GPHN: variants seen among roughly 807,000 people sequenced by gnomAD.
The protein encoded by GPHN is gephyrin.
In GPHN, 17 loss-of-function variants were observed where a neutral mutation model predicts 95.5. The ratio of observed to expected loss-of-function variants is 0.18; its 90% CI spans 0.12 to 0.27. The LOEUF (loss-of-function observed/expected upper bound fraction) is 0.27, where lower values mean the gene tolerates loss of function less well. GPHN is among the 10% of genes least tolerant of loss of function. The pLI is 1.00. For missense variants in GPHN, 660 were observed against 978.1 expected (o/e 0.67, Z 4.34); for synonymous variants, 320 against 322.5 (o/e 0.99, Z 0.08).
At chr14:67,674,493 G>A in the GPHN span, 4 of 1,596,962 alleles carry the variant, frequency 2.5e-6, no homozygotes, top group Non-Finnish European at 3.4e-6. Context: ...AGGCCATGGC[G>A]CAGGCCGCGC....
chr14:67,660,039 C>T, the GPHN span: 2 of 1,033,714 alleles, frequency 1.9e-6, no homozygotes, highest in Non-Finnish European at 2.8e-6. Flanking sequence ...AAGTAAATAA[C>T]CATATGCTCC....
intron 17 of GPHN, among the ~76,000 whole-genome samples, chr14:67,137,376 A>AC (rs1186437664): frequency 6.6e-6 from 1 of 151,492 alleles, no homozygotes; most frequent in East Asian, 2.0e-4. Flanking sequence ...CGATCTCCTG[A>AC]CCTCGTGATC....
chr14:66,517,126 C>CAAAAAAAAAAAAA (rs1171024713), intron 1 of GPHN, among the ~76,000 whole-genome samples: 2 of 31,006 alleles, frequency 6.5e-5, no homozygotes, highest in African/African-American at 9.9e-5. Context: ...GACTCCATCT[C>CAAAAAAAAAAAAA]AAAAAAAAAA....
At chr14:67,040,690 C>G (rs767259648) in intron 10 of GPHN, among the ~76,000 whole-genome samples, 25 of 152,052 alleles carry the variant, frequency 1.6e-4, no homozygotes, top group Non-Finnish European at 1.9e-4. Context: ...AAGCATATAG[C>G]TCAGTTATTT....
At chr14:66,736,932 T>TC (rs2072346657) in intron 2 of GPHN, among the ~76,000 whole-genome samples, 2 of 152,152 alleles carry the variant, frequency 1.3e-5, no homozygotes, top group Admixed American at 1.3e-4. Context: ...AGACCTGTCT[T>TC]CCAGTTTATG....
chr14:66,509,735 G>A (rs2057961568), intron 1 of GPHN, among the ~76,000 whole-genome samples: 1 of 152,156 alleles, frequency 6.6e-6, no homozygotes. Context: ...GGGAATCCTA[G>A]TGTTTCCCTT....
intron 16 of GPHN, among the ~76,000 whole-genome samples, chr14:67,113,599 A>G (rs2078500670): frequency 6.6e-6 from 1 of 152,176 alleles, no homozygotes; most frequent in Non-Finnish European, 1.5e-5. Flanking sequence ...CATCATGGCT[A>G]GCACTTCTTG....
chr14:66,910,327 A>T (rs770275602), intron 5 of GPHN, among the ~76,000 whole-genome samples: 1 of 152,014 alleles, frequency 6.6e-6, no homozygotes, highest in African/African-American at 2.4e-5. Flanking sequence ...TTAAGATTCT[A>T]CTATTAACAT....
At chr14:66,880,092 T>TA (rs1173775998) in intron 5 of GPHN, 59 bp downstream of exon 5, 170 of 1,065,040 alleles carry the variant, frequency 1.6e-4, no homozygotes, top group Non-Finnish European at 2.2e-4. Flanking sequence ...TCCGTGATAT[T>TA]AAAAAAAATC....
chr14:66,598,059 T>C (rs1402538837), intron 1 of GPHN, among the ~76,000 whole-genome samples: 2 of 152,150 alleles, frequency 1.3e-5, no homozygotes, highest in African/African-American at 2.4e-5. Context: ...ATCTTACTTA[T>C]TATAAGTGTA....
intron 4 of GPHN, among the ~76,000 whole-genome samples, chr14:66,826,394 CCTT>C (rs1272610555): frequency 6.6e-6 from 1 of 152,014 alleles, no homozygotes; most frequent in Non-Finnish European, 1.5e-5. Context: ...TATCAAATGT[CCTT>C]CTTTTTATTT....
At chr14:66,630,396 G>T (rs2063745155) in intron 1 of GPHN, among the ~76,000 whole-genome samples, 1 of 152,110 alleles carries the variant, frequency 6.6e-6, no homozygotes, top group Admixed American at 6.5e-5. Flanking sequence ...CAGGGTGATA[G>T]AAATAAATGT....
intron 2 of GPHN, among the ~76,000 whole-genome samples, chr14:66,768,920 T>C (rs2153456934): frequency 6.6e-6 from 1 of 152,104 alleles, no homozygotes; most frequent in Admixed American, 6.6e-5. Flanking sequence ...ACGTATACTA[T>C]ATATATAATA....
the GPHN span, among the ~76,000 whole-genome samples, chr14:67,645,327 T>C: frequency 6.6e-6 from 1 of 152,174 alleles, no homozygotes. Flanking sequence ...CTTGATTTCA[T>C]TCATTGAACA....
chr14:67,076,516 C>T (rs754759091), intron 11 of GPHN, among the ~76,000 whole-genome samples: 1 of 152,064 alleles, frequency 6.6e-6, no homozygotes, highest in South Asian at 2.1e-4. Flanking sequence ...TTCATAGTAA[C>T]CCTCTTAATC....
At chr14:66,867,976 G>A (rs1030883966) in intron 4 of GPHN, among the ~76,000 whole-genome samples, 1 of 152,218 alleles carries the variant, frequency 6.6e-6, no homozygotes, top group East Asian at 1.9e-4. Flanking sequence ...GAGGCACCTA[G>A]ACATTCTGAA....
intron 2 of GPHN, among the ~76,000 whole-genome samples, chr14:66,693,397 C>T (rs532282775): frequency 6.6e-6 from 1 of 152,186 alleles, no homozygotes; most frequent in South Asian, 2.1e-4. Flanking sequence ...TCAGAGTTCT[C>T]CAAGAAACAG....
In GPHN at chr14:66,756,739, C is replaced by T. The variant is rs111549511; in HGVS notation, c.144-19725C>T. 9.5e-3 allele frequency among the ~76,000 whole-genome samples: 1,450 copies of T among 152,240 alleles called. 20 individuals are homozygous for T. Among genetic ancestry groups the T allele is most frequent in the African/African-American group, 0.032 (1,342 of 41,544 alleles). On this transcript the variant is annotated intron_variant, in intron 2 of 22. Transcript: ENST00000478722. Reference sequence around the variant, plus strand: ...ACAAAATTAAGATACATATAATTGTCATAAGATCCTCAAATAAATAAATGC... The same window carrying T: ...ACAAAATTAAGATACATATAATTGTTATAAGATCCTCAAATAAATAAATGC...
At chr14:66,734,317 CCTCA>C (rs1405619570) in intron 2 of GPHN, among the ~76,000 whole-genome samples, 1 of 151,958 alleles carries the variant, frequency 6.6e-6, no homozygotes, top group Non-Finnish European at 1.5e-5. Flanking sequence ...TTATTTTTCT[CCTCA>C]CTCTCTTCCT....
Sources: gnomAD v4.1 joint callset for allele counts (sites outside exome capture counted in the v4.1 genomes callset) on GRCh38, gnomAD v4.1.1 for gene constraint, MANE v1.5 for transcripts, NCBI Gene and HGNC (gene_info 2026-07-23, HGNC 2026-07-21) for gene names.